The following CFAP221 variants were observed in gnomAD, a reference collection of about 807,000 sequenced individuals.
CFAP221 encodes cilia and flagella associated protein 221.
CFAP221 carries 97 observed loss-of-function variants against 113.1 expected under a neutral mutation model. That is an observed-to-expected ratio of 0.86 (90% CI 0.73 to 1.02). The LOEUF (loss-of-function observed/expected upper bound fraction) is 1.02. CFAP221 is among the 50% of genes least tolerant of loss of function. The pLI is 0.00. For synonymous variants in CFAP221, 331 were observed against 354.4 expected (o/e 0.93, Z 0.74); for missense variants, 1,025 against 1,013.4 (o/e 1.01, Z -0.16).
chr2:119,642,533 CTTTTTTTTTTTTTTTT>C (rs56224952), intron 21 of CFAP221, among the ~76,000 whole-genome samples: 1 of 54,660 alleles, frequency 1.8e-5, no homozygotes, highest in Non-Finnish European at 3.4e-5. Flanking sequence ...GCTCTCAGGC[CTTTTTTTTTTTTTTTT>C]TTTTTTTTTT....
rs1684351427 is a variant in CFAP221 at position 119,601,321 on chromosome 2, C to T, written c.735C>T (p.Asn245=). 1.3e-6 allele frequency: 2 copies of T among 1,535,696 alleles called. No homozygotes were observed. Among genetic ancestry groups the T allele is most frequent in the Middle Eastern group, 1.7e-4 (1 of 5,988 alleles). Reference sequence around the variant, plus strand: ...TGCAGTTATGGATTTCGCAGTTCAACTCTCAACCATACGAATGTGTCTTCA... The same window carrying T: ...TGCAGTTATGGATTTCGCAGTTCAATTCTCAACCATACGAATGTGTCTTCA... ...IKMQLWISQF[N]SQPYECVFTG... The change falls in exon 8 of 24, where the codon AAC becomes AAT. Residue 245 remains asparagine, a synonymous_variant. Transcript: ENST00000413369.
Position 119,546,199 on chromosome 2 carries a change from C to A in CFAP221, c.68C>A (p.Pro23His), listed in dbSNP as rs977042682. The change falls in exon 2 of 24, where the codon CCC (proline) becomes CAC (histidine). Residue 23 changes from proline (P) to histidine (H), a missense_variant. Physicochemically the swap from Pro to His is moderately conservative, Grantham distance 77. Transcript: ENST00000413369. ...AAAGAACCCTTTAATAATGCATCAC[C>A]CCATCTCTTGAAGAACCTAGTGGAG... ...NAKEPFNNAS[P>H]HLLKNLVEEP... 165 of 1,535,802 alleles carry A rather than the reference C, an allele frequency of 1.1e-4. No individual in the cohort carries two copies. The highest frequency in any genetic ancestry group is 1.4e-4 in the Non-Finnish European group (162 of 1,146,776).
chr2:119,633,731 T>A (rs67884157), intron 19 of CFAP221, among the ~76,000 whole-genome samples: 2 of 358 alleles, frequency 5.6e-3, no homozygotes. Flanking sequence ...ATGAAAAAAA[T>A]ACCACCAATC....
At chr2:119,559,457 A>C (rs1681061615) in intron 3 of CFAP221, among the ~76,000 whole-genome samples, 2 of 151,876 alleles carry the variant, frequency 1.3e-5, no homozygotes, top group Non-Finnish European at 2.9e-5. Context: ...TACTGCAGGT[A>C]TTGTTCCTAA....
intron 2 of CFAP221, 54 bp from the exon 3 acceptor site, chr2:119,549,026 CTTTAA>C (rs1680242607): frequency 7.6e-6 from 9 of 1,185,330 alleles, no homozygotes; most frequent in Non-Finnish European, 8.0e-6. Flanking sequence ...TAAGGATCAA[CTTTAA>C]TTTAATATTT....
At chr2:119,619,153 G>T (rs913368079) in intron 14 of CFAP221, among the ~76,000 whole-genome samples, 1 of 152,202 alleles carries the variant, frequency 6.6e-6, no homozygotes. Context: ...GGCAGCTTTG[G>T]TGCAGCTTCA....
At chr2:119,658,331 T>C (rs1000053628), downstream of CFAP221, among the ~76,000 whole-genome samples, 1 of 152,244 alleles carries the variant, frequency 6.6e-6, no homozygotes, top group Non-Finnish European at 1.5e-5. Context: ...TGGGAGCCCC[T>C]CAGGTTACAC....
At chr2:119,656,039 G>A (rs2104827166) in intron 23 of CFAP221, 1 of 306,930 alleles carries the variant, frequency 3.3e-6, no homozygotes, top group Non-Finnish European at 6.3e-6. Context: ...GGATCTCTGT[G>A]AATAAGATCT....
chr2:119,632,126 A>G (rs1424209232), intron 19 of CFAP221, among the ~76,000 whole-genome samples: 3 of 152,354 alleles, frequency 2.0e-5, no homozygotes, highest in African/African-American at 7.2e-5. Flanking sequence ...CTTCCAGGAA[A>G]TGGAAGAGAA....
chr2:119,617,579 C>T (rs565501688), intron 14 of CFAP221, among the ~76,000 whole-genome samples: 72 of 152,320 alleles, frequency 4.7e-4, no homozygotes, highest in African/African-American at 1.7e-3. Context: ...AGTAATGGCT[C>T]AGACAGTTCC....
At chr2:119,625,388 C>A (rs1405753002) in intron 14 of CFAP221, among the ~76,000 whole-genome samples, 195 bp from the exon 15 acceptor site, 1 of 152,156 alleles carries the variant, frequency 6.6e-6, no homozygotes, top group African/African-American at 2.4e-5. Context: ...TGTATTCAGG[C>A]AAGTCAGTAT....
chr2:119,656,915 G>A (rs1236785931), downstream of CFAP221, among the ~76,000 whole-genome samples: 3 of 152,112 alleles, frequency 2.0e-5, no homozygotes, highest in Admixed American at 6.5e-5. Flanking sequence ...ACATAGCTGT[G>A]CAGGTGGCAG....
Position 119,544,463 on chromosome 2 carries a change from G to C in CFAP221, c.-95G>C, listed in dbSNP as rs1679899287. 1 of 151,844 alleles carries C rather than the reference G, an allele frequency of 6.6e-6. No individual in the cohort carries two copies. Among genetic ancestry groups the C allele is most frequent in the Admixed American group, 6.6e-5 (1 of 15,234 alleles). The allele number at this position is 151,844 out of a possible 1,614,324, so 9.4% of individuals were successfully genotyped here. A position where few individuals can be genotyped will look rare whatever the true frequency, so the allele number is the denominator to read the frequency against. ...GTCGTCATGGCGACGCTCCGAGCGG[G>C]CGCCGGCGCTGGCGCCGGCCGAATC... On this transcript the variant is annotated 5_prime_UTR_variant, in exon 1 of 24. Transcript: ENST00000413369.
chr2:119,640,994 T>C (rs1182326179), intron 21 of CFAP221, among the ~76,000 whole-genome samples: 2 of 152,156 alleles, frequency 1.3e-5, no homozygotes, highest in Admixed American at 1.3e-4. Flanking sequence ...ACCCAACTTG[T>C]AGTGTACAAG....
At chr2:119,651,263 A>G (rs1688111739) in intron 22 of CFAP221, among the ~76,000 whole-genome samples, 1 of 152,204 alleles carries the variant, frequency 6.6e-6, no homozygotes, top group African/African-American at 2.4e-5. Context: ...AGGTCAGCAG[A>G]CTATAGCTCG....
At chr2:119,655,370 C>G (rs1688368946) in intron 23 of CFAP221, among the ~76,000 whole-genome samples, 2 of 152,110 alleles carry the variant, frequency 1.3e-5, no homozygotes, top group Non-Finnish European at 2.9e-5. Context: ...GAGACAGGAT[C>G]TATATATTTT....
Position 119,647,055 on chromosome 2 carries a change from T to A in CFAP221, c.2318+5T>A, listed in dbSNP as rs1363966976. Reference sequence around the variant, plus strand: ...CAGACTAGAAACAGTAGAACGGTATTTTTTTTTTTTTTAATCTTTGGCCTC... The same window carrying A: ...CAGACTAGAAACAGTAGAACGGTATATTTTTTTTTTTTAATCTTTGGCCTC... On this transcript the variant is annotated splice_donor_5th_base_variant and intron_variant, in intron 22 of 23. Transcript: ENST00000413369. 2.0e-5 allele frequency: 2 copies of A among 101,238 alleles called. No homozygotes were observed. The highest frequency in any genetic ancestry group is 2.2e-4 in the South Asian group (1 of 4,462). 6.3% of individuals were successfully genotyped at this position (101,238 alleles called of 1,614,324 possible). A position where few individuals can be genotyped will look rare whatever the true frequency, so the allele number is the denominator to read the frequency against.
chr2:119,637,019 C>T (rs1687157391), intron 19 of CFAP221, among the ~76,000 whole-genome samples: 1 of 152,176 alleles, frequency 6.6e-6, no homozygotes, highest in Non-Finnish European at 1.5e-5. Context: ...ATTTCCCCTC[C>T]CCTGGTGTTG....
chr2:119,627,887 TC>T, intron 16 of CFAP221, 101 bp downstream of exon 16: 1 of 1,435,902 alleles, frequency 7.0e-7, no homozygotes, highest in Non-Finnish European at 9.5e-7. Flanking sequence ...CTTCACCTCC[TC>T]CCAGAGGCTC....
Sources: gnomAD v4.1 joint callset for allele counts (sites outside exome capture counted in the v4.1 genomes callset) on GRCh38, gnomAD v4.1.1 for gene constraint, MANE v1.5 for transcripts, NCBI Gene and HGNC (gene_info 2026-07-23, HGNC 2026-07-21) for gene names.